Variants in CAMK1D observed in about 807,000 individuals in gnomAD.
The protein encoded by CAMK1D is calcium/calmodulin dependent protein kinase ID, also known as calcium/calmodulin-dependent protein kinase type 1D.
In CAMK1D, 9 loss-of-function variants were observed where a neutral mutation model predicts 47.7. The observed-to-expected ratio is 0.19, with a 90% CI of 0.11 to 0.33. The LOEUF is 0.33. CAMK1D is among the 10% of genes least tolerant of loss of function. The pLI, the probability that CAMK1D is intolerant of heterozygous loss-of-function variation, is 1.00. For missense variants in CAMK1D, 291 were observed against 488.7 expected (o/e 0.60, Z 3.81); for synonymous variants, 184 against 184.9 (o/e 0.99, Z 0.04).
chr10:12,407,206 C>G (rs1258891014), intron 1 of CAMK1D, among the ~76,000 whole-genome samples: 1 of 152,236 alleles, frequency 6.6e-6, no homozygotes, highest in Non-Finnish European at 1.5e-5. Flanking sequence ...TCAGTCCAGG[C>G]TTGAGGAACC....
At chr10:12,574,290 C>A (rs941176079) in intron 2 of CAMK1D, among the ~76,000 whole-genome samples, 3 of 151,276 alleles carry the variant, frequency 2.0e-5, no homozygotes, top group South Asian at 2.1e-4. Flanking sequence ...CCTAGGGGAT[C>A]TTTCTTTCTG....
At chr10:12,700,319 C>A (rs2130717251) in intron 3 of CAMK1D, among the ~76,000 whole-genome samples, 1 of 152,228 alleles carries the variant, frequency 6.6e-6, no homozygotes, top group African/African-American at 2.4e-5. Flanking sequence ...GGGAAGCAAA[C>A]ATGTTCTTCT....
At chr10:12,539,648 G>T (rs1836099324) in intron 1 of CAMK1D, among the ~76,000 whole-genome samples, 1 of 152,218 alleles carries the variant, frequency 6.6e-6, no homozygotes, top group Non-Finnish European at 1.5e-5. Context: ...CCCCTCTGAA[G>T]AGCCACCCCT....
chr10:12,751,088 T>G (rs138083530), intron 3 of CAMK1D, among the ~76,000 whole-genome samples: 13 of 95,524 alleles, frequency 1.4e-4, no homozygotes, highest in African/African-American at 4.7e-4. Flanking sequence ...TAAGATAAGA[T>G]AAGATAAGAT....
At chr10:12,350,761 T>C (rs1837331222) in intron 1 of CAMK1D, among the ~76,000 whole-genome samples, 1 of 152,192 alleles carries the variant, frequency 6.6e-6, no homozygotes. Flanking sequence ...AGGCTGATAG[T>C]GAAAGAGAAT....
chr10:12,373,635 A>AAAACAAAC (rs139472444), intron 1 of CAMK1D, among the ~76,000 whole-genome samples: 2 of 152,032 alleles, frequency 1.3e-5, no homozygotes, highest in African/African-American at 4.8e-5. Context: ...CCATCTCAAA[A>AAAACAAAC]AAACAAACAA....
chr10:12,768,536 G>A (rs993777542), intron 4 of CAMK1D, among the ~76,000 whole-genome samples: 28 of 152,242 alleles, frequency 1.8e-4, no homozygotes, highest in Middle Eastern at 3.4e-3. Flanking sequence ...TCCCTTTAAG[G>A]TTTGGTGTAA....
At chr10:12,438,974 T>C (rs1832707410) in intron 1 of CAMK1D, among the ~76,000 whole-genome samples, 1 of 152,248 alleles carries the variant, frequency 6.6e-6, no homozygotes, top group Non-Finnish European at 1.5e-5. Flanking sequence ...CTATGGAATT[T>C]TCCCCAAACC....
intron 2 of CAMK1D, among the ~76,000 whole-genome samples, chr10:12,615,742 G>T (rs1433658095): frequency 6.6e-6 from 1 of 151,412 alleles, no homozygotes; most frequent in Non-Finnish European, 1.5e-5. Context: ...GTGTGTGGGG[G>T]TGTGTATAGT....
chr10:12,688,073 GA>G (rs1205751307), intron 3 of CAMK1D, among the ~76,000 whole-genome samples: 1 of 152,200 alleles, frequency 6.6e-6, no homozygotes, highest in Admixed American at 6.5e-5. Flanking sequence ...GAATTAAGGC[GA>G]ATGAAATATC....
chr10:12,534,780 G>A (rs1286596395), intron 1 of CAMK1D, among the ~76,000 whole-genome samples: 1 of 152,188 alleles, frequency 6.6e-6, no homozygotes, highest in Non-Finnish European at 1.5e-5. Context: ...TGAGACCTGA[G>A]CTCCTTGTAT....
chr10:12,597,940 G>A (rs1335828091), intron 2 of CAMK1D, among the ~76,000 whole-genome samples: 2 of 152,174 alleles, frequency 1.3e-5, no homozygotes, highest in Admixed American at 6.5e-5. Flanking sequence ...CAGAAAACAC[G>A]TCAGCACCAA....
chr10:12,472,009 T>C (rs559507542), intron 1 of CAMK1D, among the ~76,000 whole-genome samples: 2 of 141,026 alleles, frequency 1.4e-5, no homozygotes, highest in East Asian at 4.1e-4. Flanking sequence ...CACTCCTGCC[T>C]GGGAGACAGA....
At chr10:12,579,256 G>T (rs1837590164) in intron 2 of CAMK1D, among the ~76,000 whole-genome samples, 1 of 152,216 alleles carries the variant, frequency 6.6e-6, no homozygotes, top group Non-Finnish European at 1.5e-5. Flanking sequence ...TCCTGGGTCT[G>T]CAGTTACAGA....
intron 1 of CAMK1D, among the ~76,000 whole-genome samples, chr10:12,425,681 A>G (rs1040908766): frequency 2.6e-5 from 4 of 152,190 alleles, no homozygotes; most frequent in Non-Finnish European, 4.4e-5. Flanking sequence ...TTCCTCATCT[A>G]GAGTCTCTTG....
At chr10:12,523,853 C>A (rs1835525924) in intron 1 of CAMK1D, among the ~76,000 whole-genome samples, 1 of 152,176 alleles carries the variant, frequency 6.6e-6, no homozygotes, top group South Asian at 2.1e-4. Context: ...CTGACTCTTT[C>A]TTTCGTGGTG....
chr10:12,408,848 C>CTTTCTTTTTT (rs767211308), intron 1 of CAMK1D, among the ~76,000 whole-genome samples: 1 of 121,872 alleles, frequency 8.2e-6, no homozygotes, highest in Non-Finnish European at 1.7e-5. Flanking sequence ...TTCTTTCTTT[C>CTTTCTTTTTT]TTTTTTTTTT....
intron 1 of CAMK1D, among the ~76,000 whole-genome samples, chr10:12,545,947 C>T (rs913529706): frequency 3.9e-5 from 6 of 152,074 alleles, no homozygotes; most frequent in Admixed American, 6.6e-5. Flanking sequence ...AGCTGTTCAG[C>T]GGTGTGGTTG....
intron 1 of CAMK1D, among the ~76,000 whole-genome samples, chr10:12,429,237 T>C (rs1312119953): frequency 2.6e-5 from 4 of 152,042 alleles, no homozygotes; most frequent in African/African-American, 7.2e-5. Flanking sequence ...TCTCCCCCAC[T>C]CTTCTTTCTC....
Sources: allele counts gnomAD v4.1 joint callset (sites outside exome capture counted in the v4.1 genomes callset), GRCh38; gene constraint gnomAD v4.1.1; transcripts MANE v1.5; gene names NCBI Gene and HGNC (gene_info 2026-07-23, HGNC 2026-07-21).